The following RABGEF1 variants were observed in gnomAD, a reference collection of about 807,000 sequenced individuals.
RABGEF1 encodes RAB guanine nucleotide exchange factor 1.
A neutral mutation model predicts 57.3 loss-of-function variants in RABGEF1; 26 were observed. The ratio of observed to expected loss-of-function variants is 0.45; its 90% confidence interval spans 0.33 to 0.63. RABGEF1 has a LOEUF of 0.63. Ranked by LOEUF, RABGEF1 falls within the 20% of genes least tolerant of loss-of-function variation. The pLI, the probability that RABGEF1 is intolerant of heterozygous loss-of-function variation, is 0.02. For missense variants in RABGEF1, 464 were observed against 607.6 expected, an observed-to-expected ratio of 0.76 and a Z score of 2.48; for synonymous variants, 185 against 210.7, an observed-to-expected ratio of 0.88 and a Z score of 1.06.
chr7:66,679,741 A>G (rs1328673867), upstream of RABGEF1, among the ~76,000 whole-genome samples: 1 of 149,488 alleles, frequency 6.7e-6, no homozygotes, highest in Non-Finnish European at 1.5e-5. Context: ...TTGAACGCTC[A>G]TTGTGGGGCC....
intron 1 of RABGEF1, among the ~76,000 whole-genome samples, chr7:66,753,908 T>C (rs1260686990): frequency 6.6e-6 from 1 of 151,052 alleles, no homozygotes; most frequent in Non-Finnish European, 1.5e-5. Flanking sequence ...GGTTTTACTG[T>C]GTTGGCCAGG....
chr7:66,665,755 G>A, the RABGEF1 span, among the ~76,000 whole-genome samples: 2 of 152,208 alleles, frequency 1.3e-5, no homozygotes, highest in Admixed American at 1.3e-4. Flanking sequence ...GTTGTAGCTT[G>A]GGGGGTGGCC....
intron 3 of RABGEF1, among the ~76,000 whole-genome samples, chr7:66,778,421 T>A (rs998949394): frequency 3.3e-5 from 5 of 152,188 alleles, no homozygotes; most frequent in Non-Finnish European, 4.4e-5. Flanking sequence ...GTCTCTACAG[T>A]CAGGGTGAGT....
chr7:66,795,655 G>A, intron 5 of RABGEF1, 63 bp downstream of exon 5: 1 of 1,432,590 alleles, frequency 7.0e-7, no homozygotes, highest in African/African-American at 1.4e-5. Flanking sequence ...CAGTCTCTTA[G>A]CAATTTCTTT....
chr7:66,790,573 T>C (rs760104519), intron 4 of RABGEF1, among the ~76,000 whole-genome samples: 11 of 152,200 alleles, frequency 7.2e-5, no homozygotes, highest in Non-Finnish European at 1.5e-4. Flanking sequence ...GCGCCGCCCT[T>C]GTTGATGAGG....
the RABGEF1 span, among the ~76,000 whole-genome samples, chr7:66,673,258 T>C: frequency 6.7e-6 from 1 of 150,286 alleles, no homozygotes; most frequent in East Asian, 2.0e-4. Flanking sequence ...GGGCATTTCG[T>C]AGGGTGCATT....
chr7:66,674,315 G>C, the RABGEF1 span, among the ~76,000 whole-genome samples: 1 of 151,552 alleles, frequency 6.6e-6, no homozygotes, highest in Non-Finnish European at 1.5e-5. Context: ...TCAGCCTCCT[G>C]AGTAGATGGG....
chr7:66,693,586 C>T (rs552261325), intron 1 of RABGEF1, among the ~76,000 whole-genome samples: 45 of 152,222 alleles, frequency 3.0e-4, no homozygotes, highest in Non-Finnish European at 5.6e-4. Flanking sequence ...CTGCCCTCTC[C>T]CATGGAGTTA....
chr7:66,768,978 C>T (rs1806415153), intron 1 of RABGEF1: 1 of 152,144 alleles, frequency 6.6e-6, no homozygotes, highest in African/African-American at 2.4e-5. Context: ...TAGCTGCAGA[C>T]AAAGCACACG....
chr7:66,775,291 A>C lies in RABGEF1; in HGVS notation c.244A>C (p.Thr82Pro). 6.2e-7 allele frequency: 1 copy of C among 1,613,980 alleles called. No individual in the cohort carries two copies. Among genetic ancestry groups the C allele is most frequent in the Non-Finnish European group, 8.5e-7 (1 of 1,179,858 alleles). The change falls in exon 3 of 9, where the codon ACA (threonine) becomes CCA (proline). Residue 82 changes from threonine to proline, a missense_variant. By Grantham distance (38) the Thr-to-Pro change is conservative (BLOSUM62 -1). Around this residue, in one of 4 missense-constraint regions of RABGEF1, gnomAD observed 284 missense variants for 389.9 expected, o/e 0.73. Transcript: ENST00000284957. ...GAGCAGCCAAGGGGCCCAATCCCTC[A>C]CATTCTCCAAGTTTGAAGAAAAGAA... ...SQSSQGAQSL[T>P]FSKFEEKKTN...
chr7:66,769,575 T>C (rs1806572504), intron 1 of RABGEF1, among the ~76,000 whole-genome samples: 1 of 152,216 alleles, frequency 6.6e-6, no homozygotes, highest in African/African-American at 2.4e-5. Context: ...TTTGAGTTCA[T>C]TCCTTGGCCT....
intron 1 of RABGEF1, among the ~76,000 whole-genome samples, chr7:66,767,415 C>T (rs1297877174): frequency 6.6e-6 from 1 of 152,092 alleles, no homozygotes; most frequent in Non-Finnish European, 1.5e-5. Flanking sequence ...AATCAGAATA[C>T]AGAACAGTTT....
upstream of RABGEF1, among the ~76,000 whole-genome samples, chr7:66,737,137 C>T (rs956913511): frequency 2.7e-5 from 4 of 147,844 alleles, no homozygotes; most frequent in Middle Eastern, 3.8e-3. Flanking sequence ...GCTGTGTTGC[C>T]GAGACTGGTC....
the RABGEF1 span, among the ~76,000 whole-genome samples, chr7:66,663,864 A>G: frequency 6.6e-6 from 1 of 152,172 alleles, no homozygotes; most frequent in African/African-American, 2.4e-5. Flanking sequence ...ACCTAAGGGC[A>G]GGACTTCAAA....
At position 66,771,974 on chromosome 7, in the gene RABGEF1, C is replaced by T. The variant is rs1311869379; in HGVS notation, c.75C>T (p.Tyr25=). The part of the protein sequence containing the change: ...SDLLCKKGCG[Y]YGNPAWQGFC... Reference sequence around the variant, plus strand: ...TCCTGTGCAAGAAAGGATGTGGTTACTACGGCAACCCTGCCTGGCAGGGTT... The same window carrying T: ...TCCTGTGCAAGAAAGGATGTGGTTATTACGGCAACCCTGCCTGGCAGGGTT... The change falls in exon 2 of 9, where the codon TAC becomes TAT. Residue 25 remains tyrosine (Y), a synonymous_variant. Coordinates refer to ENST00000284957, the MANE Select transcript of RABGEF1 (RefSeq NM_014504.3). 1 of 1,597,692 alleles carries T rather than the reference C, an allele frequency of 6.3e-7. No individual in the cohort carries two copies. Among genetic ancestry groups the T allele is most frequent in the African/African-American group, 1.4e-5 (1 of 74,036 alleles).
intron 1 of RABGEF1, among the ~76,000 whole-genome samples, chr7:66,705,754 T>C (rs1793969321): frequency 6.6e-6 from 1 of 151,010 alleles, no homozygotes; most frequent in South Asian, 2.1e-4. Flanking sequence ...CTGTTGCCCA[T>C]GCTGGAGTGC....
intron 1 of RABGEF1, among the ~76,000 whole-genome samples, chr7:66,694,904 TG>T (rs1792091733): frequency 6.6e-6 from 1 of 152,016 alleles, no homozygotes; most frequent in Non-Finnish European, 1.5e-5. Context: ...GGTCCCCAGG[TG>T]GAGGTATCAG....
the RABGEF1 span, among the ~76,000 whole-genome samples, chr7:66,670,057 T>C: frequency 6.6e-6 from 1 of 152,002 alleles, no homozygotes; most frequent in African/African-American, 2.4e-5. Flanking sequence ...TCAGGCCCCA[T>C]CTCATTCTCC....
At chr7:66,756,839 CTATT>C (rs771154167) in intron 1 of RABGEF1, among the ~76,000 whole-genome samples, 2 of 152,270 alleles carry the variant, frequency 1.3e-5, no homozygotes, top group African/African-American at 2.4e-5. Context: ...TATTGCAACA[CTATT>C]TATTGAAAAT....
Sources: allele counts gnomAD v4.1 joint callset (sites outside exome capture counted in the v4.1 genomes callset), GRCh38; gene constraint gnomAD v4.1.1; regional missense constraint gnomAD v4.1.1; transcripts MANE v1.5; gene names NCBI Gene and HGNC (gene_info 2026-07-23, HGNC 2026-07-21).